The following GPHN variants were observed in gnomAD, a reference collection of about 807,000 sequenced individuals.
GPHN encodes the protein gephyrin.
A neutral mutation model predicts 95.5 loss-of-function variants in GPHN; 17 were observed. The observed-to-expected ratio is 0.18, with a 90% CI of 0.12 to 0.27. The LOEUF is 0.27. GPHN is among the 10% of genes least tolerant of loss of function. The probability of loss-of-function intolerance (pLI) is 1.00; values close to 1 mark genes in which losing one functional copy is unlikely to be tolerated. For missense variants in GPHN, 660 were observed against 978.1 expected, an observed-to-expected ratio of 0.67 and a Z score of 4.34; for synonymous variants, 320 against 322.5, an observed-to-expected ratio of 0.99 and a Z score of 0.08.
At chr14:66,890,531 A>G (rs1313463951) in intron 5 of GPHN, among the ~76,000 whole-genome samples, 2 of 152,176 alleles carry the variant, frequency 1.3e-5, no homozygotes, top group Admixed American at 6.5e-5. Flanking sequence ...TGTTTCCAAA[A>G]TCTTTTCCAA....
the GPHN span, among the ~76,000 whole-genome samples, chr14:67,325,977 T>C: frequency 7.8e-5 from 10 of 127,804 alleles, no homozygotes; most frequent in Non-Finnish European, 9.2e-5. Flanking sequence ...CCCGGCTCTT[T>C]TCTTTTTTTT....
chr14:67,638,729 G>A, the GPHN span, among the ~76,000 whole-genome samples: 1 of 152,232 alleles, frequency 6.6e-6, no homozygotes, highest in Non-Finnish European at 1.5e-5. Context: ...AATCCCTTTA[G>A]AGGAGGCTGG....
chr14:67,116,738 T>C (rs1231860042), intron 16 of GPHN, among the ~76,000 whole-genome samples: 1 of 152,174 alleles, frequency 6.6e-6, no homozygotes, highest in Non-Finnish European at 1.5e-5. Flanking sequence ...AATGGAAATA[T>C]TATATTAATT....
At chr14:67,067,733 G>A (rs1420326146) in intron 11 of GPHN, among the ~76,000 whole-genome samples, 1 of 152,174 alleles carries the variant, frequency 6.6e-6, no homozygotes, top group East Asian at 1.9e-4. Flanking sequence ...AGTGAGCAAG[G>A]CTCCATGGGT....
At chr14:67,442,970 A>G in the GPHN span, among the ~76,000 whole-genome samples, 1 of 152,214 alleles carries the variant, frequency 6.6e-6, no homozygotes, top group African/African-American at 2.4e-5. Flanking sequence ...CTGTAATCCC[A>G]GCAGTTTGGG....
chr14:67,579,471 A>C, the GPHN span: 4 of 697,134 alleles, frequency 5.7e-6, no homozygotes, highest in African/African-American at 1.8e-5. Context: ...ATGCTGACCA[A>C]GAAATAAGAA....
chr14:66,751,250 C>T (rs759676127), intron 2 of GPHN, among the ~76,000 whole-genome samples: 18 of 152,028 alleles, frequency 1.2e-4, no homozygotes, highest in Non-Finnish European at 2.4e-4. Context: ...TCTGTCTCCA[C>T]GTCTTTGTGG....
At chr14:66,882,648 T>C (rs1342125148) in intron 5 of GPHN, among the ~76,000 whole-genome samples, 1 of 151,828 alleles carries the variant, frequency 6.6e-6, no homozygotes, top group Admixed American at 6.6e-5. Flanking sequence ...AATTAATCTA[T>C]GTAAAGCACT....
chr14:66,990,164 A>G (rs1296737086), intron 9 of GPHN, among the ~76,000 whole-genome samples: 1 of 152,100 alleles, frequency 6.6e-6, no homozygotes, highest in Admixed American at 6.6e-5. Flanking sequence ...TGCCACTTTT[A>G]AAACCATCAG....
intron 21 of GPHN, among the ~76,000 whole-genome samples, chr14:67,176,433 G>A (rs1183813858): frequency 6.6e-6 from 1 of 152,202 alleles, no homozygotes; most frequent in African/African-American, 2.4e-5. Context: ...AAGCCCACTT[G>A]ATCGTGGTGG....
At chr14:66,873,613 C>G (rs543081028) in intron 4 of GPHN, among the ~76,000 whole-genome samples, 1 of 152,272 alleles carries the variant, frequency 6.6e-6, no homozygotes, top group South Asian at 2.1e-4. Context: ...CTTGAGTGGG[C>G]AGTTTTCCCC....
At chr14:67,223,974 A>C in the GPHN span, 1 of 984,964 alleles carries the variant, frequency 1.0e-6, no homozygotes, top group African/African-American at 1.7e-5. Flanking sequence ...TTATAGGCGG[A>C]AATCAGAATA....
the GPHN span, among the ~76,000 whole-genome samples, chr14:67,269,391 G>A: frequency 2.0e-5 from 3 of 152,108 alleles, no homozygotes; most frequent in African/African-American, 7.2e-5. Flanking sequence ...ATACCTAGGA[G>A]TAGAATCGCT....
intron 4 of GPHN, chr14:66,842,700 G>C (rs2062147735): frequency 6.5e-7 from 1 of 1,534,278 alleles, no homozygotes; most frequent in Non-Finnish European, 8.7e-7. Context: ...TTCCCATTTT[G>C]TGGGCTCCAG....
chr14:67,132,038 C>G (rs1049199344), intron 17 of GPHN, among the ~76,000 whole-genome samples: 87 of 152,180 alleles, frequency 5.7e-4, no homozygotes, highest in African/African-American at 2.1e-3. Context: ...CCTGGGCTTA[C>G]TTGACTATGT....
the GPHN span, chr14:67,359,680 T>G: frequency 6.2e-7 from 1 of 1,614,046 alleles, no homozygotes. Context: ...AAGATTTCAA[T>G]TCGGTCTTTG....
the GPHN span, among the ~76,000 whole-genome samples, chr14:67,469,850 T>TG: frequency 3.3e-5 from 5 of 152,188 alleles, no homozygotes; most frequent in African/African-American, 4.8e-5. Context: ...TCCATGTCTT[T>TG]GGGGGTACCC....
chr14:67,198,015 G>C, the GPHN span: 5 of 861,928 alleles, frequency 5.8e-6, no homozygotes, highest in South Asian at 9.1e-5. Flanking sequence ...CAAGTGCCTG[G>C]TGCAGTGCCA....
At chr14:67,387,215 C>T in the GPHN span, 2 of 1,006,784 alleles carry the variant, frequency 2.0e-6, no homozygotes, top group Non-Finnish European at 2.9e-6. Flanking sequence ...ATTCACTCTC[C>T]AAAGCAGTAC....
Sources: allele counts gnomAD v4.1 joint callset (sites outside exome capture counted in the v4.1 genomes callset), GRCh38; gene constraint gnomAD v4.1.1; transcripts MANE v1.5; gene names NCBI Gene and HGNC (gene_info 2026-07-23, HGNC 2026-07-21).